The following EFNB2 variants were observed in gnomAD, a reference collection of about 807,000 sequenced individuals.
EFNB2 encodes the protein ephrin-B2.
Under a neutral mutation model 32.1 loss-of-function variants are expected in EFNB2, and 5 were observed. The observed-to-expected ratio is 0.16, with a 90% CI of 0.08 to 0.33. EFNB2 has a LOEUF of 0.33. Among genes scored for constraint, EFNB2 ranks in the 10% least tolerant of loss-of-function variants. The pLI, the probability that EFNB2 is intolerant of heterozygous loss-of-function variation, is 1.00. For synonymous variants in EFNB2, 168 were observed against 166.5 expected (o/e 1.01, Z -0.07); for missense variants, 263 against 422.6 (o/e 0.62, Z 3.31).
rs762774468 is a variant in EFNB2 at position 106,493,145 on chromosome 13, G to C, written c.897C>G (p.Val299=). The C allele has an allele frequency of 3.7e-6, 6 of 1,613,972 alleles. No individual in the cohort carries two copies. In the African/African-American group the frequency reaches 6.7e-5, roughly 18 times the overall value. The change falls in exon 5 of 5, where the codon GTC becomes GTG. Residue 299 remains valine, a synonymous_variant. Coordinates refer to ENST00000646441, the MANE Select transcript of EFNB2 (RefSeq NM_004093.4). This position sits in a 1 kb window ranked among gnomAD's most constrained non-coding sequence, Gnocchi z 6.1. ...TGACCTTCTCGTAGTGAGGGCAGAA[G>C]ACGCTGTCCGCAGTCCTTAGCGGGA... ...IIIPLRTADS[V]FCPHYEKVSG...
intron 1 of EFNB2, chr13:106,516,702 G>A (rs970761515): frequency 3.9e-5 from 6 of 152,234 alleles, no homozygotes; most frequent in Non-Finnish European, 7.3e-5. Context: ...GGAAAGTCTA[G>A]CTCCACACCA....
At chr13:106,528,202 G>C (rs995244548) in intron 1 of EFNB2, among the ~76,000 whole-genome samples, 3 of 152,150 alleles carry the variant, frequency 2.0e-5, no homozygotes, top group African/African-American at 4.8e-5. Flanking sequence ...TAAAGTAACA[G>C]GCACTGGATA....
At chr13:106,499,270 C>A (rs1250061553) in intron 2 of EFNB2, among the ~76,000 whole-genome samples, 2 of 110,316 alleles carry the variant, frequency 1.8e-5, no homozygotes, top group East Asian at 4.2e-4. Flanking sequence ...AGTGACACAG[C>A]TAAAAAAAAA....
chr13:106,510,161 A>G (rs1156853331), intron 2 of EFNB2: 1 of 152,224 alleles, frequency 6.6e-6, no homozygotes, highest in Non-Finnish European at 1.5e-5. Flanking sequence ...GTAGTTCAGT[A>G]ACTGCAATGA....
chr13:106,513,942 A>C (rs1373970602), intron 1 of EFNB2, among the ~76,000 whole-genome samples: 4 of 152,228 alleles, frequency 2.6e-5, no homozygotes, highest in African/African-American at 9.6e-5. Flanking sequence ...CCCCAATTTC[A>C]AACCCATACC....
At chr13:106,503,150 T>G (rs1878839151) in intron 2 of EFNB2, among the ~76,000 whole-genome samples, 2 of 152,134 alleles carry the variant, frequency 1.3e-5, no homozygotes, top group Non-Finnish European at 2.9e-5. Context: ...TTTTAATAAA[T>G]TCTGTTGAGG....
At chr13:106,529,075 G>A (rs1293980819) in intron 1 of EFNB2, among the ~76,000 whole-genome samples, 1 of 152,096 alleles carries the variant, frequency 6.6e-6, no homozygotes, top group African/African-American at 2.4e-5. Flanking sequence ...TTTCCAGGGT[G>A]GGAAAGACAA....
intron 2 of EFNB2, among the ~76,000 whole-genome samples, chr13:106,504,256 A>C (rs1384480381): frequency 3.3e-5 from 5 of 152,332 alleles, no homozygotes; most frequent in Non-Finnish European, 5.9e-5. Context: ...ATGACCCAGT[A>C]ATTGCGAGAC....
chr13:106,530,751 C>T (rs373217859), intron 1 of EFNB2, among the ~76,000 whole-genome samples: 33 of 152,204 alleles, frequency 2.2e-4, no homozygotes, highest in East Asian at 2.1e-3. Flanking sequence ...AAACGTCGCC[C>T]GAAGTTTGGT....
intron 1 of EFNB2, among the ~76,000 whole-genome samples, chr13:106,533,839 G>A (rs918977304): frequency 6.6e-6 from 1 of 152,114 alleles, no homozygotes; most frequent in Non-Finnish European, 1.5e-5. Flanking sequence ...GCTGTGATTC[G>A]AAATAAGGGG....
intron 2 of EFNB2, chr13:106,509,781 T>C (rs1879079148): frequency 6.6e-6 from 1 of 152,226 alleles, no homozygotes; most frequent in South Asian, 2.1e-4. Flanking sequence ...TAAAACTATT[T>C]TAACATTTGT....
At chr13:106,519,995 C>T (rs1175629452) in intron 1 of EFNB2, 1 of 152,046 alleles carries the variant, frequency 6.6e-6, no homozygotes, top group Middle Eastern at 3.2e-3. Flanking sequence ...TCTGAGTCCA[C>T]AGAAGCTGTA....
intron 1 of EFNB2, among the ~76,000 whole-genome samples, chr13:106,523,647 C>T (rs1312646060): frequency 6.6e-6 from 1 of 152,120 alleles, no homozygotes; most frequent in Non-Finnish European, 1.5e-5. Context: ...CCCAGGACCA[C>T]CAATATTCAC....
At chr13:106,497,424 A>G (rs1878626635) in intron 2 of EFNB2, among the ~76,000 whole-genome samples, 1 of 151,836 alleles carries the variant, frequency 6.6e-6, no homozygotes, top group African/African-American at 2.4e-5. Context: ...GTAGATACAA[A>G]CATTGTAGAC....
intron 2 of EFNB2, among the ~76,000 whole-genome samples, chr13:106,507,165 C>T (rs954048161): frequency 1.3e-5 from 2 of 152,100 alleles, no homozygotes; most frequent in African/African-American, 4.8e-5. Context: ...AAATGACAGG[C>T]TGATGTTGCT....
chr13:106,513,859 C>A (rs1364651180), intron 1 of EFNB2, among the ~76,000 whole-genome samples: 2 of 152,144 alleles, frequency 1.3e-5, no homozygotes, highest in Non-Finnish European at 2.9e-5. Context: ...TTTCTTTAAC[C>A]AGAGACGCCC....
intron 1 of EFNB2, among the ~76,000 whole-genome samples, chr13:106,531,935 A>T (rs1822734880): frequency 6.6e-6 from 1 of 151,634 alleles, no homozygotes; most frequent in Non-Finnish European, 1.5e-5. Context: ...AGTAAAATTA[A>T]TTTTTTTTTA....
At position 106,493,664 on chromosome 13, in the gene EFNB2, C is replaced by T. The variant is rs1181167702; in HGVS notation, c.614-236G>A. The stretch of plus-strand genomic sequence containing the variant: ...ACAGGGTTTCCTTTGTATCATTATC[C>T]AGCAAGAGCACAGACTGTCGGTGAC... On this transcript the variant is annotated intron_variant, in intron 4 of 4. Transcript: ENST00000646441. This position sits in a 1 kb window ranked among gnomAD's most constrained non-coding sequence, Gnocchi z 6.1. 6.6e-6 allele frequency among the ~76,000 whole-genome samples: 1 copy of T among 152,180 alleles called. No homozygotes were observed. Among genetic ancestry groups the T allele is most frequent in the Non-Finnish European group, 1.5e-5 (1 of 68,020 alleles).
chr13:106,532,320 C>T (rs1221568413), intron 1 of EFNB2, among the ~76,000 whole-genome samples: 5 of 152,152 alleles, frequency 3.3e-5, no homozygotes, highest in Admixed American at 6.5e-5. Flanking sequence ...CTGTGTCGAC[C>T]ACCTGCTAAA....
Sources: gnomAD v4.1 joint callset for allele counts (sites outside exome capture counted in the v4.1 genomes callset) on GRCh38, gnomAD v4.1.1 for gene constraint, Gnocchi (gnomAD v3.1) non-coding constraint, MANE v1.5 for transcripts, NCBI Gene and HGNC (gene_info 2026-07-23, HGNC 2026-07-21) for gene names.